The following ABLIM1 variants were observed in gnomAD, a reference collection of about 807,000 sequenced individuals.
ABLIM1 encodes the protein actin binding LIM protein 1.
In ABLIM1, 40 loss-of-function variants were observed where a neutral mutation model predicts 107.0. The observed-to-expected ratio is 0.37, with a 90% CI of 0.29 to 0.49. ABLIM1 has a LOEUF of 0.49. Among genes scored for constraint, ABLIM1 ranks in the 20% least tolerant of loss-of-function variants. The pLI, the probability that ABLIM1 is intolerant of heterozygous loss-of-function variation, is 0.97. For missense variants in ABLIM1, 857 were observed against 1,008.5 expected (o/e 0.85, Z 2.04); for synonymous variants, 357 against 357.3 (o/e 1.00, Z 0.01).
intron 1 of ABLIM1, among the ~76,000 whole-genome samples, chr10:114,633,654 G>A (rs1187122854): frequency 2.0e-5 from 3 of 152,084 alleles, no homozygotes; most frequent in Non-Finnish European, 2.9e-5. Flanking sequence ...TCATAAATAT[G>A]AGCCAAGCAC....
chr10:114,743,140 T>C (rs2082320185), intron 1 of ABLIM1, among the ~76,000 whole-genome samples: 1 of 152,150 alleles, frequency 6.6e-6, no homozygotes, highest in South Asian at 2.1e-4. Context: ...ATTAATACGG[T>C]TAAAGCAAAT....
At chr10:114,441,121 C>T (rs1371753531) in intron 18 of ABLIM1, 44 bp from the exon 19 acceptor site, 19 of 1,531,996 alleles carry the variant, frequency 1.2e-5, no homozygotes, top group African/African-American at 2.7e-5. Flanking sequence ...CCATAGTGAT[C>T]GTTTTGGAGT....
At chr10:114,640,909 C>G (rs1001151786) in intron 1 of ABLIM1, among the ~76,000 whole-genome samples, 8 of 152,088 alleles carry the variant, frequency 5.3e-5, no homozygotes, top group African/African-American at 1.9e-4. Flanking sequence ...CCCACCTTTT[C>G]CTTTTGCACT....
chr10:114,756,962 G>C (rs1218320108), intron 1 of ABLIM1, among the ~76,000 whole-genome samples: 2 of 152,150 alleles, frequency 1.3e-5, no homozygotes, highest in African/African-American at 4.8e-5. Context: ...AAAGGAGCTA[G>C]GATCCCCTGA....
At chr10:114,565,428 T>C (rs533301051) in intron 4 of ABLIM1, among the ~76,000 whole-genome samples, 1 of 152,348 alleles carries the variant, frequency 6.6e-6, no homozygotes, top group East Asian at 1.9e-4. Context: ...CAGTAAGTTA[T>C]TGTTTTATAA....
chr10:114,497,522 AAT>A (rs1341358401), intron 6 of ABLIM1, among the ~76,000 whole-genome samples: 1 of 152,076 alleles, frequency 6.6e-6, no homozygotes, highest in Admixed American at 6.6e-5. Flanking sequence ...TACTAAAAAA[AAT>A]ATTAAATATT....
Position 114,491,897 on chromosome 10 carries a change from G to A in ABLIM1, c.895-19C>T, listed in dbSNP as rs747591090. 2 of 1,587,822 alleles carry A rather than the reference G, an allele frequency of 1.3e-6. No homozygotes were observed. Among genetic ancestry groups the A allele is most frequent in the South Asian group, 2.2e-5 (2 of 90,018 alleles). ...CACCTGCCTGCAAGAGAAAAGGTAG[G>A]GAACGTTGAGTCTGCTCCTTGTCAT... is the stretch of plus-strand genomic sequence containing the variant. On this transcript the variant is annotated intron_variant, in intron 6 of 22. Transcript: ENST00000533213.
intron 1 of ABLIM1, among the ~76,000 whole-genome samples, chr10:114,650,588 A>G (rs754030661): frequency 2.0e-5 from 3 of 151,878 alleles, no homozygotes; most frequent in Non-Finnish European, 4.4e-5. Context: ...AGCAACCATC[A>G]ATAAAACAAA....
the ABLIM1 span, among the ~76,000 whole-genome samples, chr10:114,782,466 T>C: frequency 2.6e-5 from 4 of 152,122 alleles, no homozygotes; most frequent in Non-Finnish European, 5.9e-5. Flanking sequence ...ATACGTGAGA[T>C]GGAGGGCAAG....
intron 1 of ABLIM1, among the ~76,000 whole-genome samples, chr10:114,666,202 C>T (rs1268166320): frequency 1.3e-5 from 2 of 152,102 alleles, no homozygotes; most frequent in African/African-American, 4.8e-5. Flanking sequence ...GTATGCAATA[C>T]CTACAACATA....
chr10:114,710,236 T>C (rs1377923149), intron 1 of ABLIM1, among the ~76,000 whole-genome samples: 1 of 152,160 alleles, frequency 6.6e-6, no homozygotes, highest in African/African-American at 2.4e-5. Context: ...CTCGGCAACA[T>C]GGTGAAATCC....
At chr10:114,721,466 A>C (rs1266380567) in intron 1 of ABLIM1, among the ~76,000 whole-genome samples, 1 of 152,050 alleles carries the variant, frequency 6.6e-6, no homozygotes, top group Non-Finnish European at 1.5e-5. Context: ...GGCCCTGAGA[A>C]TAGCTAAATG....
chr10:114,459,210 C>G (rs1205689137), intron 12 of ABLIM1, among the ~76,000 whole-genome samples: 1 of 152,230 alleles, frequency 6.6e-6, no homozygotes, highest in South Asian at 2.1e-4. Flanking sequence ...GACATCCTAC[C>G]TTAGGTCAAG....
Position 114,441,769 on chromosome 10 carries a change from A to C in ABLIM1, c.1951T>G (p.Ser651Ala), listed in dbSNP as rs781658681. 53 of 1,613,898 alleles carry C rather than the reference A, an allele frequency of 3.3e-5. No individual in the cohort carries two copies. Among genetic ancestry groups the C allele is most frequent in the Non-Finnish European group, 4.4e-5 (52 of 1,179,858 alleles). The change falls in exon 18 of 23, where the codon TCT becomes GCT. Residue 651 changes from serine (S) to alanine (A), a missense_variant. By Grantham distance (99) the Ser-to-Ala change is moderately conservative (BLOSUM62 1). Coordinates refer to ENST00000533213, the MANE Select transcript of ABLIM1 (RefSeq NM_002313.7). ...TAGCCAGGGAGAGATGCAGTTTTAG[A>C]TGATGGAATATGTGAAGCTGAGTAA... The part of the protein sequence containing the change: ...PINSASHIPS[S>A]KTASLPGYGR...
rs1297979315 is a variant in ABLIM1 at position 114,476,006 on chromosome 10, G to GTGTT, written c.1042-2054_1042-2051dup. On this transcript the variant is annotated intron_variant, in intron 8 of 22. Transcript: ENST00000533213. ...GCCAAAGAAACTCCTTCAGACAAGGGTGTTGTCTCACTATGCTGTTCACAG... is the reference window on the plus strand; with the variant it reads ...GCCAAAGAAACTCCTTCAGACAAGGGTGTTTGTTGTCTCACTATGCTGTTCACAG... 2.0e-5 allele frequency among the ~76,000 whole-genome samples: 3 copies of GTGTT among 152,220 alleles called. No individual in the cohort carries two copies. The East Asian group carries it at 5.8e-4, about 29-fold the overall frequency.
intron 22 of ABLIM1, among the ~76,000 whole-genome samples, chr10:114,437,503 G>C (rs1407200740): frequency 6.6e-6 from 1 of 151,484 alleles, no homozygotes; most frequent in African/African-American, 2.4e-5. Context: ...ATTTTTAGTA[G>C]AGACAGGGTT....
intron 4 of ABLIM1, among the ~76,000 whole-genome samples, chr10:114,561,012 C>T (rs536573385): frequency 2.6e-5 from 4 of 152,292 alleles, no homozygotes; most frequent in African/African-American, 4.8e-5. Flanking sequence ...GCCACTGAAA[C>T]GTTCAATTTA....
At chr10:114,465,948 CT>C in intron 11 of ABLIM1, 121 bp from the exon 12 acceptor site, 1 of 1,161,704 alleles carries the variant, frequency 8.6e-7, no homozygotes, top group South Asian at 1.7e-5. Flanking sequence ...AATATATGCA[CT>C]TATTTTTATG....
intron 6 of ABLIM1, among the ~76,000 whole-genome samples, chr10:114,542,386 G>A (rs1424754752): frequency 1.4e-5 from 2 of 147,092 alleles, no homozygotes; most frequent in Admixed American, 6.8e-5. Context: ...CTCCAGCCTG[G>A]GCAACAGAGC....
Sources: gnomAD v4.1 joint callset for allele counts (sites outside exome capture counted in the v4.1 genomes callset) on GRCh38, gnomAD v4.1.1 for gene constraint, MANE v1.5 for transcripts, NCBI Gene and HGNC (gene_info 2026-07-23, HGNC 2026-07-21) for gene names.